Variants in ZNF99 observed in about 807,000 individuals in gnomAD.
ZNF99 encodes zinc finger protein 99.
Under a neutral mutation model 12.8 loss-of-function variants are expected in ZNF99, and 8 were observed. The observed-to-expected ratio is 0.62, with a 90% CI of 0.37 to 1.13. The LOEUF (loss-of-function observed/expected upper bound fraction) is 1.13, where lower values mean the gene tolerates loss of function less well. Ranked by LOEUF, ZNF99 falls within the 50% of genes most tolerant of loss-of-function variation. ZNF99 has a pLI of 0.02. For synonymous variants in ZNF99, 318 were observed against 319.0 expected, an observed-to-expected ratio of 1.00 and a Z score of 0.03; for missense variants, 1,007 against 1,006.2, an observed-to-expected ratio of 1.00 and a Z score of -0.01.
chr19:22,771,714 C>CTTTTTTTTTTTT (rs34457637), intron 1 of ZNF99, among the ~76,000 whole-genome samples: 2 of 91,142 alleles, frequency 2.2e-5, no homozygotes, highest in Non-Finnish European at 2.2e-5. Flanking sequence ...ACAGGTGAAA[C>CTTTTTTTTTTTT]TTTTTTTTTT....
Position 22,768,307 on chromosome 19 carries a change from G to A in ZNF99, c.224C>T (p.Pro75Leu). Reference sequence around the variant, plus strand: ...TTCTTGTATTCACTCTCACATACCTGGGGGTTTAGTTACCATCTCATGTCT... The same window carrying A: ...TTCTTGTATTCACTCTCACATACCTAGGGGTTTAGTTACCATCTCATGTCT... ...MKRHEMVTKP[P>L]VISSHFTQDF... The change falls in exon 3 of 4, where the codon CCA (proline) becomes CTA (leucine). Residue 75 changes from proline (P) to leucine (L), a missense_variant and splice_region_variant. Coordinates refer to ENST00000596209, the MANE Select transcript of ZNF99 (RefSeq NM_001080409.3). 1 of 1,613,606 alleles carries A rather than the reference G, an allele frequency of 6.2e-7. No homozygotes were observed. The highest frequency in any genetic ancestry group is 1.1e-5 in the South Asian group (1 of 91,054).
At position 22,758,330 on chromosome 19, in the gene ZNF99, G is replaced by T. The variant is rs1568383144; in HGVS notation, c.1579C>A (p.His527Asn). The T allele has an allele frequency of 6.2e-7, 1 of 1,613,384 alleles. No individual in the cohort carries two copies. The highest frequency in any genetic ancestry group is 1.7e-5 in the Admixed American group (1 of 59,978). Residue 527 changes from histidine (H) to asparagine (N), a missense_variant, in exon 4 of 4, where the codon CAT becomes AAT. Coordinates refer to ENST00000596209, the MANE Select transcript of ZNF99 (RefSeq NM_001080409.3). ...AFKHFSALRK[H>N]KIIHTGKKPY... ...TTCTTTCCAGTATGAATTATCTTAT[G>T]TTTTCTAAGGGCTGAGAAATGCTTA...
intron 3 of ZNF99, among the ~76,000 whole-genome samples, chr19:22,767,179 G>C (rs889947549): frequency 4.7e-5 from 7 of 150,088 alleles, no homozygotes; most frequent in African/African-American, 1.7e-4. Flanking sequence ...AGCTACTTAA[G>C]AGGTTGAAAC....
rs561114633 is a variant in ZNF99 at position 22,759,115 on chromosome 19, A to T, written c.794T>A (p.Val265Asp). The change falls in exon 4 of 4, where the codon GTT becomes GAT. Residue 265 changes from valine (V) to aspartate (D), a missense_variant. Coordinates refer to ENST00000596209, the MANE Select transcript of ZNF99 (RefSeq NM_001080409.3). ...CATAAGGGTTGAGGAATTGTTAAAA[A>T]CTTTGCCACATTCTTCACATTTGCA... ...KPCKCEECGK[V>D]FNNSSTLMKH... The T allele has an allele frequency of 4.4e-5, 71 of 1,599,196 alleles. No homozygotes were observed. The East Asian group carries it at 1.4e-3, about 31-fold the overall frequency.
chr19:22,783,974 C>T, intron 1 of ZNF99, 40 bp downstream of exon 1: 1 of 1,613,608 alleles, frequency 6.2e-7, no homozygotes, highest in African/African-American at 1.3e-5. Context: ...TTCCAGTCAG[C>T]CCCTTCCCCT....
At chr19:22,767,794 T>C (rs1973221152) in intron 3 of ZNF99, among the ~76,000 whole-genome samples, 1 of 152,104 alleles carries the variant, frequency 6.6e-6, no homozygotes, top group Admixed American at 6.6e-5. Context: ...GAGTAAATAA[T>C]TTATAACAGA....
chr19:22,771,417 G>A (rs78758171), intron 1 of ZNF99, among the ~76,000 whole-genome samples: 12,886 of 150,744 alleles, frequency 0.085, 548 homozygotes, highest in Middle Eastern at 0.12. Flanking sequence ...CACCACGCCC[G>A]GCTAATTTTT....
rs781080631 is a variant in ZNF99, at chr19:22,758,699, T to G, written c.1210A>C (p.Lys404Gln). 2.5e-6 allele frequency: 4 copies of G among 1,613,270 alleles called. No homozygotes were observed. Among genetic ancestry groups the G allele is most frequent in the Non-Finnish European group, 3.4e-6 (4 of 1,179,436 alleles). The change falls in exon 4 of 4, where the codon AAA (lysine) becomes CAA (glutamine). Residue 404 changes from lysine (K) to glutamine (Q), a missense_variant. By Grantham distance (53) the Lys-to-Gln change is moderately conservative. Coordinates refer to ENST00000596209, the MANE Select transcript of ZNF99 (RefSeq NM_001080409.3). ...QKPYKCEECG[K>Q]AFKWSSKLTV... ...AGTTTTGAGGACCACTTAAAAGCTT[T>G]ACCACATTCTTCACATTTGTAGGGT... is the stretch of plus-strand genomic sequence containing the variant.
At position 22,764,058 on chromosome 19, in the gene ZNF99, G is replaced by GC. The variant is rs536325088; in HGVS notation, c.226+4246dup. ...CAAGTAGCTGGGATTACAGGTGCCT[G>GC]CCACTGCACCTGGCTAATTTTTGTA... On this transcript the variant is annotated intron_variant, in intron 3 of 3. Transcript: ENST00000596209. Among the ~76,000 whole-genome samples the GC allele has an allele frequency of 1.1e-4, 16 of 151,812 alleles. 1 individual carries two copies. In the East Asian group the frequency reaches 3.1e-3, roughly 30 times the overall value.
At position 22,757,164 on chromosome 19, in the gene ZNF99, G is replaced by A; in HGVS notation, c.*150C>T. 6.2e-7 allele frequency: 1 copy of A among 1,612,488 alleles called. No homozygotes were observed. On this transcript the variant is annotated 3_prime_UTR_variant, in exon 4 of 4. Transcript: ENST00000596209. ...GTATGAACTGCTTTATGTCTAGTAA[G>A]GTGTGAGGACTGCTTAAAAGCTTTG...
At position 22,754,819 on chromosome 19, in the gene ZNF99, C is replaced by T. The variant is rs184711717; in HGVS notation, c.*2495G>A. The T allele has an allele frequency of 3.1e-4, 60 of 190,526 alleles. No individual in the cohort carries two copies. Among genetic ancestry groups the T allele is most frequent in the African/African-American group, 1.3e-3 (53 of 41,902 alleles). 11.8% of individuals were successfully genotyped at this position (190,526 alleles called of 1,614,324 possible). A position where few individuals can be genotyped will look rare whatever the true frequency, so the allele number is the denominator to read the frequency against. Reference sequence around the variant, plus strand: ...GCACGGTGGCTCACGCCTTTAATCCCAGCACTTTGGGAGGCCGAGGCGGGC... The same window carrying T: ...GCACGGTGGCTCACGCCTTTAATCCTAGCACTTTGGGAGGCCGAGGCGGGC... On this transcript the variant is annotated 3_prime_UTR_variant, in exon 4 of 4. Coordinates refer to ENST00000596209, the MANE Select transcript of ZNF99 (RefSeq NM_001080409.3).
intron 1 of ZNF99, among the ~76,000 whole-genome samples, chr19:22,772,205 G>C (rs905412116): frequency 7.2e-5 from 11 of 152,118 alleles, no homozygotes; most frequent in African/African-American, 2.7e-4. Flanking sequence ...AAGATGGACA[G>C]AGAGTGAGTT....
intron 1 of ZNF99, among the ~76,000 whole-genome samples, chr19:22,771,930 C>T (rs536863626): frequency 2.3e-4 from 34 of 149,410 alleles, no homozygotes; most frequent in African/African-American, 8.4e-4. Context: ...ATTGGCCAGG[C>T]TGGTCTCGAA....
intron 1 of ZNF99, among the ~76,000 whole-genome samples, chr19:22,769,539 A>G (rs11669611): frequency 0.35 from 53,532 of 151,932 alleles, 9,973 homozygotes; most frequent in African/African-American, 0.5. Context: ...AGGCCAAGGC[A>G]GGAAGATCAC....
rs75864298 is a variant in ZNF99, at chr19:22,755,224, C to G, written c.*2090G>C. The G allele has an allele frequency of 5.7e-5, 15 of 265,458 alleles. No homozygotes were observed. Among genetic ancestry groups the G allele is most frequent in the Admixed American group, 2.7e-4 (6 of 22,124 alleles). The allele number at this position is 265,458 out of a possible 1,614,324, so 16.4% of individuals were successfully genotyped here. ...ACATTTGTAGGGTTTTTCTCCAGTA[C>G]GAATTTTCTTATGTCTAATAAAGTT... On this transcript the variant is annotated 3_prime_UTR_variant, in exon 4 of 4. Transcript: ENST00000596209.
At position 22,757,157 on chromosome 19, in the gene ZNF99, C is replaced by A. The variant is rs758766837; in HGVS notation, c.*157G>T. ...CTCCCCAGTATGAACTGCTTTATGT[C>A]TAGTAAGGTGTGAGGACTGCTTAAA... On this transcript the variant is annotated 3_prime_UTR_variant, in exon 4 of 4. Coordinates refer to ENST00000596209, the MANE Select transcript of ZNF99 (RefSeq NM_001080409.3). 5.6e-5 allele frequency: 90 copies of A among 1,606,644 alleles called. 1 individual carries two copies. The East Asian group carries it at 2.0e-3, about 36-fold the overall frequency.
At chr19:22,771,927 A>G in intron 1 of ZNF99, among the ~76,000 whole-genome samples, 1 of 149,354 alleles carries the variant, frequency 6.7e-6, no homozygotes, top group Non-Finnish European at 1.5e-5. Context: ...CATATTGGCC[A>G]GGCTGGTCTC....
intron 3 of ZNF99, among the ~76,000 whole-genome samples, chr19:22,766,451 G>A (rs1163094778): frequency 2.7e-5 from 4 of 150,706 alleles, no homozygotes; most frequent in Non-Finnish European, 4.4e-5. Context: ...TGATTCTCCT[G>A]CCTCAGCCTC....
Position 22,757,164 on chromosome 19 carries a change from G to C in ZNF99, c.*150C>G, listed in dbSNP as rs1599439600. 8.1e-6 allele frequency: 13 copies of C among 1,612,488 alleles called. No homozygotes were observed. In the East Asian group the frequency reaches 2.2e-4, roughly 28 times the overall value. The stretch of plus-strand genomic sequence containing the variant: ...GTATGAACTGCTTTATGTCTAGTAA[G>C]GTGTGAGGACTGCTTAAAAGCTTTG... On this transcript the variant is annotated 3_prime_UTR_variant, in exon 4 of 4. Transcript: ENST00000596209.
Sources: gnomAD v4.1 joint callset for allele counts (sites outside exome capture counted in the v4.1 genomes callset) on GRCh38, gnomAD v4.1.1 for gene constraint, MANE v1.5 for transcripts, NCBI Gene and HGNC (gene_info 2026-07-23, HGNC 2026-07-21) for gene names.